Variants in FLCN observed in about 807,000 individuals in gnomAD.
The protein encoded by FLCN is BHD skin lesion fibrofolliculoma protein.
FLCN carries 22 observed loss-of-function variants against 62.5 expected under a neutral mutation model. The ratio of observed to expected loss-of-function variants is 0.35; its 90% CI spans 0.25 to 0.50. The LOEUF (loss-of-function observed/expected upper bound fraction) is 0.50, where lower values mean the gene tolerates loss of function less well. FLCN is among the 20% of genes least tolerant of loss of function. The probability of loss-of-function intolerance (pLI) is 0.97; values close to 1 mark genes in which losing one functional copy is unlikely to be tolerated. For synonymous variants in FLCN, 319 were observed against 310.0 expected (o/e 1.03, Z -0.30); for missense variants, 657 against 778.0 (o/e 0.84, Z 1.85).
chr17:17,214,646 G>C (rs2046854176), intron 13 of FLCN, among the ~76,000 whole-genome samples: 1 of 151,880 alleles, frequency 6.6e-6, no homozygotes, highest in South Asian at 2.1e-4. Flanking sequence ...GGTGGGGCAT[G>C]GGTTACTGGG....
chr17:17,224,579 A>C, intron 5 of FLCN: 1 of 310,978 alleles, frequency 3.2e-6, no homozygotes, highest in Non-Finnish European at 6.2e-6. Flanking sequence ...CTTGTCACCC[A>C]GGCTGGAATG....
At chr17:17,232,219 T>C (rs911712859) in intron 2 of FLCN, among the ~76,000 whole-genome samples, 1 of 152,184 alleles carries the variant, frequency 6.6e-6, no homozygotes, top group African/African-American at 2.4e-5. Context: ...GGCCTCCACT[T>C]GCTCCCCTGC....
intron 5 of FLCN, chr17:17,224,352 C>A: frequency 1.7e-6 from 1 of 602,218 alleles, no homozygotes; most frequent in Non-Finnish European, 3.0e-6. Context: ...TTGTGGACTG[C>A]AAGGGCCGGT....
intron 7 of FLCN, among the ~76,000 whole-genome samples, chr17:17,222,262 AG>A: frequency 6.6e-6 from 1 of 152,180 alleles, no homozygotes. Context: ...ACTTGAACCC[AG>A]GAAGAAGTGA....
In FLCN at chr17:17,213,032, GCACCTGCAGGGGAA is replaced by G. The variant is rs2046800467; in HGVS notation, c.*609_*622del. 2 of 241,658 alleles carry G rather than the reference GCACCTGCAGGGGAA, an allele frequency of 8.3e-6. No individual in the cohort carries two copies. The highest frequency in any genetic ancestry group is 3.0e-4 in the South Asian group (2 of 6,600). 15.0% of individuals were successfully genotyped at this position (241,658 alleles called of 1,614,324 possible). A position where few individuals can be genotyped will look rare whatever the true frequency, so the allele number is the denominator to read the frequency against. On this transcript the variant is annotated 3_prime_UTR_variant, in exon 14 of 14. Transcript: ENST00000285071. Reference sequence around the variant, plus strand: ...ATTAAGCCCCAGGTTACCTTCACCAGCACCTGCAGGGGAACACCCCAGAAGACGAGCCCCATGGC... The same window carrying G: ...ATTAAGCCCCAGGTTACCTTCACCAGCACCCCAGAAGACGAGCCCCATGGC...
chr17:17,230,876 G>A (rs1237094262), intron 3 of FLCN, among the ~76,000 whole-genome samples: 1 of 152,168 alleles, frequency 6.6e-6, no homozygotes, highest in South Asian at 2.1e-4. Context: ...CTGGGTGACA[G>A]AGTGAGTGAG....
In FLCN at chr17:17,221,066, G is replaced by A. The variant is rs75105639; in HGVS notation, c.871+471C>T. 1,424 of 993,576 alleles carry A rather than the reference G, an allele frequency of 1.4e-3. 17 individuals are homozygous for A. The African/African-American group carries it at 0.021, about 15-fold the overall frequency. 61.5% of individuals were successfully genotyped at this position (993,576 alleles called of 1,614,324 possible). Reference sequence around the variant, plus strand: ...TCCAGGCTGGTGCACACAGTGCCACGATCCCCAAACACAGGGCCCCAAGCC... The same window carrying A: ...TCCAGGCTGGTGCACACAGTGCCACAATCCCCAAACACAGGGCCCCAAGCC... On this transcript the variant is annotated intron_variant, in intron 8 of 13. Coordinates refer to ENST00000285071, the MANE Select transcript of FLCN (RefSeq NM_144997.7).
intron 5 of FLCN, 37 bp from the exon 6 acceptor site, chr17:17,224,180 C>A: frequency 6.6e-7 from 1 of 1,526,088 alleles, no homozygotes; most frequent in South Asian, 1.2e-5. Flanking sequence ...GCCCTTTCCT[C>A]GCTTAGTGAC....
intron 2 of FLCN, 53 bp from the exon 3 acceptor site, chr17:17,231,935 G>A (rs1168757898): frequency 6.5e-6 from 1 of 153,514 alleles, no homozygotes; most frequent in Non-Finnish European, 1.5e-5. Flanking sequence ...AACCTTAGCT[G>A]GGCTGGCAGT....
chr17:17,231,519 T>C (rs2047421369), intron 3 of FLCN: 1 of 152,214 alleles, frequency 6.6e-6, no homozygotes, highest in African/African-American at 2.4e-5. Flanking sequence ...AGTTTCTGAA[T>C]GTTTGACTGA....
chr17:17,221,455 G>A (rs1037586456), intron 8 of FLCN, 82 bp downstream of exon 8: 11 of 1,613,868 alleles, frequency 6.8e-6, no homozygotes, highest in East Asian at 2.2e-5. Flanking sequence ...CTCCCTCAGC[G>A]ATTCCTGCCA....
intron 8 of FLCN, chr17:17,221,210 C>T (rs1053592269): frequency 3.5e-5 from 53 of 1,519,876 alleles, no homozygotes; most frequent in Non-Finnish European, 4.3e-5. Context: ...CAAAGACCGT[C>T]GACCAGGCCA....
In FLCN at chr17:17,216,487, C is replaced by G. The variant is rs766801011; in HGVS notation, c.1193G>C (p.Gly398Ala). The change falls in exon 11 of 14, where the codon GGC (glycine) becomes GCC (alanine). Residue 398 changes from glycine to alanine, a missense_variant. Physicochemically the swap from Gly to Ala is moderately conservative, Grantham distance 60. Coordinates refer to ENST00000285071, the MANE Select transcript of FLCN (RefSeq NM_144997.7). The surrounding 1 kb of genome is among the most constrained non-coding windows in gnomAD (Gnocchi z 4.0). ...GCTGTATGGGATGATGCGGACGCAG[C>G]CCACGGGAAGCATGGTCTGAGGAGG... ...FEVLRTMLPVGCVRIIPYSSQ... is the reference protein window; with the variant it reads ...FEVLRTMLPVACVRIIPYSSQ... The G allele has an allele frequency of 5.6e-6, 9 of 1,613,714 alleles. No homozygotes were observed. The African/African-American group carries it at 9.3e-5, about 17-fold the overall frequency.
chr17:17,224,363 A>G, intron 5 of FLCN: 1 of 587,782 alleles, frequency 1.7e-6, no homozygotes, highest in South Asian at 2.0e-5. Flanking sequence ...AAGGGCCGGT[A>G]ACAAGGCTTA....
chr17:17,229,742 AAC>A (rs796651973), intron 3 of FLCN, among the ~76,000 whole-genome samples: 17 of 152,374 alleles, frequency 1.1e-4, no homozygotes, highest in African/African-American at 3.8e-4. Flanking sequence ...AGGTGACCTT[AAC>A]ACAGTTTCCG....
rs1482738729 is a variant in FLCN, at chr17:17,215,232, T to TTGC, written c.1382_1384dup (p.Ser461dup). The TTGC allele has an allele frequency of 6.2e-7, 1 of 1,614,078 alleles. No individual in the cohort carries two copies. The highest frequency in any genetic ancestry group is 2.2e-5 in the East Asian group (1 of 44,892). ...CCCACTGGTCACCACAAACTCGTAC[T>TTGC]TGCTGAGAGACTGGTCATCCTCACA... On this transcript the variant is annotated inframe_insertion, in exon 12 of 14. Transcript: ENST00000285071.
rs565446548 is a variant in FLCN at position 17,216,101 on chromosome 17, G to A, written c.1300+279C>T. Among the ~76,000 whole-genome samples, 21 of 152,236 alleles carry A rather than the reference G, an allele frequency of 1.4e-4. No individual in the cohort carries two copies. In the South Asian group the frequency reaches 2.1e-3, roughly 15 times the overall value. ...CTCATAGGCACCCAATCACCAGGAC[G>A]ACCAGGATCCTCCGGCCAGGGACAC... On this transcript the variant is annotated intron_variant, in intron 11 of 13. Transcript: ENST00000285071. This position sits in a 1 kb window ranked among gnomAD's most constrained non-coding sequence, Gnocchi z 4.0.
At chr17:17,235,724 T>G (rs2047564178) in intron 1 of FLCN, 1 of 152,330 alleles carries the variant, frequency 6.6e-6, no homozygotes, top group South Asian at 2.1e-4. Flanking sequence ...CTGGGCAGCG[T>G]GAGGTCATTC....
At chr17:17,227,090 G>A (rs2047273074) in intron 4 of FLCN, among the ~76,000 whole-genome samples, 1 of 152,296 alleles carries the variant, frequency 6.6e-6, no homozygotes, top group East Asian at 1.9e-4. Context: ...TCCAGCAATG[G>A]ATGCAGCTCT....
Sources: allele counts gnomAD v4.1 joint callset (sites outside exome capture counted in the v4.1 genomes callset), GRCh38; gene constraint gnomAD v4.1.1; non-coding constraint Gnocchi (gnomAD v3.1); transcripts MANE v1.5; gene names NCBI Gene and HGNC (gene_info 2026-07-23, HGNC 2026-07-21).